The following ADK variants were observed in gnomAD, a reference collection of about 807,000 sequenced individuals.
ADK encodes N6,N6-dimethyladenosine kinase.
A neutral mutation model predicts 44.7 loss-of-function variants in ADK; 24 were observed. The observed-to-expected ratio is 0.54, with a 90% CI of 0.39 to 0.76. The LOEUF is 0.76. Ranked by LOEUF, ADK falls within the 30% of genes least tolerant of loss-of-function variation. The probability of loss-of-function intolerance (pLI) is 0.00; values close to 1 mark genes in which losing one functional copy is unlikely to be tolerated. For synonymous variants in ADK, 128 were observed against 142.6 expected, an observed-to-expected ratio of 0.90 and a Z score of 0.73; for missense variants, 321 against 425.1, an observed-to-expected ratio of 0.76 and a Z score of 2.15.
rs969245481 is a variant in ADK at position 74,201,485 on chromosome 10, A to G, written c.140+647A>G. Reference sequence around the variant, plus strand: ...AGAGAGAGACATGCACCACGTCCACATAACTTTTATTACAGTATATTTTAA... The same window carrying G: ...AGAGAGAGACATGCACCACGTCCACGTAACTTTTATTACAGTATATTTTAA... On this transcript the variant is annotated intron_variant, in intron 2 of 10. Coordinates refer to ENST00000539909, the MANE Select transcript of ADK (RefSeq NM_006721.4). Among the ~76,000 whole-genome samples the G allele has an allele frequency of 1.8e-3, 278 of 152,300 alleles. 3 individuals are homozygous for G. The highest frequency in any genetic ancestry group is 8.2e-4 in the Non-Finnish European group (56 of 68,026).
intron 3 of ADK, among the ~76,000 whole-genome samples, chr10:74,281,343 G>T (rs1846925227): frequency 6.6e-6 from 1 of 152,224 alleles, no homozygotes; most frequent in South Asian, 2.1e-4. Flanking sequence ...CTCTCCCATT[G>T]ATTTGATAGT....
intron 1 of ADK, chr10:74,176,835 G>C (rs1158568658): frequency 1.2e-6 from 2 of 1,605,710 alleles, no homozygotes; most frequent in South Asian, 2.2e-5. Context: ...TAGAGCATCG[G>C]ACGCGGGCGC....
chr10:74,317,552 C>T (rs1840666130), intron 4 of ADK, among the ~76,000 whole-genome samples: 1 of 138,820 alleles, frequency 7.2e-6, no homozygotes, highest in Non-Finnish European at 1.6e-5. Flanking sequence ...ATAGTGAGAC[C>T]CTGTCTCTAG....
At chr10:74,224,862 A>G (rs761937020) in intron 3 of ADK, among the ~76,000 whole-genome samples, 2 of 152,116 alleles carry the variant, frequency 1.3e-5, no homozygotes, top group Non-Finnish European at 2.9e-5. Context: ...ATGTCATGCT[A>G]TTTTCTCTTT....
chr10:74,215,173 T>C (rs1564597557), intron 2 of ADK, among the ~76,000 whole-genome samples: 1 of 152,214 alleles, frequency 6.6e-6, no homozygotes. Flanking sequence ...TACCATTTTG[T>C]TGTCTCTGAT....
At chr10:74,581,013 A>T (rs1344495379) in intron 7 of ADK, among the ~76,000 whole-genome samples, 1 of 129,310 alleles carries the variant, frequency 7.7e-6, no homozygotes, top group Non-Finnish European at 1.6e-5. Context: ...CAGTCAATCA[A>T]TAATAAATAC....
chr10:74,396,897 G>C (rs1843536534), intron 5 of ADK, among the ~76,000 whole-genome samples: 1 of 151,808 alleles, frequency 6.6e-6, no homozygotes, highest in South Asian at 2.1e-4. Flanking sequence ...GGAGGTTGCA[G>C]TGAGCCAAGA....
At chr10:74,418,472 C>T (rs751211821) in intron 6 of ADK, among the ~76,000 whole-genome samples, 3 of 152,046 alleles carry the variant, frequency 2.0e-5, no homozygotes, top group Non-Finnish European at 4.4e-5. Context: ...TGAACAGGAG[C>T]CAAATGTTTG....
intron 9 of ADK, among the ~76,000 whole-genome samples, chr10:74,610,638 TG>T (rs558809670): frequency 3.3e-5 from 5 of 152,054 alleles, no homozygotes; most frequent in Non-Finnish European, 7.4e-5. Context: ...AGTAAGATGC[TG>T]GGGGTGAAGG....
intron 5 of ADK, among the ~76,000 whole-genome samples, chr10:74,397,789 C>G (rs1382736709): frequency 6.6e-6 from 1 of 152,120 alleles, no homozygotes; most frequent in Non-Finnish European, 1.5e-5. Context: ...ATCCTCCCAC[C>G]TTGGCCTCTG....
chr10:74,230,148 T>G (rs17744431), intron 3 of ADK, among the ~76,000 whole-genome samples: 1 of 149,714 alleles, frequency 6.7e-6, no homozygotes, highest in Non-Finnish European at 1.5e-5. Context: ...TGAAATAAGC[T>G]AGGACCGACA....
At chr10:74,442,604 C>G (rs1157487000) in intron 6 of ADK, among the ~76,000 whole-genome samples, 1 of 152,116 alleles carries the variant, frequency 6.6e-6, no homozygotes, top group African/African-American at 2.4e-5. Context: ...TGAGAACATG[C>G]CACTGCACTC....
chr10:74,202,567 T>C (rs1382955188), intron 2 of ADK, among the ~76,000 whole-genome samples: 1 of 152,242 alleles, frequency 6.6e-6, no homozygotes, highest in Non-Finnish European at 1.5e-5. Flanking sequence ...CTGCACTGTT[T>C]TGCATTCCTA....
At chr10:74,458,565 G>A (rs1257745809) in intron 6 of ADK, among the ~76,000 whole-genome samples, 1 of 152,024 alleles carries the variant, frequency 6.6e-6, no homozygotes, top group African/African-American at 2.4e-5. Flanking sequence ...GGTTTTCTGA[G>A]ACTTTCTAAA....
At chr10:74,636,830 GAACAACATTCTAGCCAGAAGA>G (rs1421310203) in intron 9 of ADK, among the ~76,000 whole-genome samples, 2 of 152,104 alleles carry the variant, frequency 1.3e-5, no homozygotes, top group Admixed American at 6.5e-5. Flanking sequence ...AGAAGGCAAA[GAACAACATTCTAGCCAGAAGA>G]AACAGCACAT....
At chr10:74,405,464 CT>C (rs1032465698) in intron 6 of ADK, among the ~76,000 whole-genome samples, 7 of 147,728 alleles carry the variant, frequency 4.7e-5, no homozygotes, top group Non-Finnish European at 9.0e-5. Flanking sequence ...CTTTCCCATT[CT>C]TTTTTTTTAG....
At chr10:74,569,932 T>C (rs1043885193) in intron 7 of ADK, among the ~76,000 whole-genome samples, 8 of 152,172 alleles carry the variant, frequency 5.3e-5, no homozygotes, top group Non-Finnish European at 8.8e-5. Flanking sequence ...CTTTAATCCA[T>C]CTTGAATTAA....
chr10:74,651,496 A>G (rs898876597), intron 9 of ADK, among the ~76,000 whole-genome samples: 2 of 152,118 alleles, frequency 1.3e-5, no homozygotes, highest in Non-Finnish European at 2.9e-5. Context: ...ACATTTTTGA[A>G]CTGATAACAG....
intron 6 of ADK, among the ~76,000 whole-genome samples, chr10:74,492,590 C>T (rs1847527784): frequency 6.6e-6 from 1 of 152,166 alleles, no homozygotes; most frequent in South Asian, 2.1e-4. Context: ...TTTGCAAGTA[C>T]TGACAAATTT....
Sources: gnomAD v4.1 joint callset for allele counts (sites outside exome capture counted in the v4.1 genomes callset) on GRCh38, gnomAD v4.1.1 for gene constraint, MANE v1.5 for transcripts, NCBI Gene and HGNC (gene_info 2026-07-23, HGNC 2026-07-21) for gene names.